ATP6V1H: variants seen among roughly 807,000 people sequenced by gnomAD.
The protein encoded by ATP6V1H is V-type proton ATPase subunit H.
In ATP6V1H, 39 loss-of-function variants were observed where a neutral mutation model predicts 71.7. The ratio of observed to expected loss-of-function variants is 0.54; its 90% CI spans 0.42 to 0.71. The LOEUF (loss-of-function observed/expected upper bound fraction) is 0.71. ATP6V1H is among the 30% of genes least tolerant of loss of function. The pLI is 0.00. For missense variants in ATP6V1H, 509 were observed against 594.9 expected (o/e 0.86, Z 1.50); for synonymous variants, 192 against 199.3 (o/e 0.96, Z 0.31).
chr8:53,763,730 T>G (rs573817627), intron 11 of ATP6V1H, among the ~76,000 whole-genome samples: 1 of 152,256 alleles, frequency 6.6e-6, no homozygotes, highest in South Asian at 2.1e-4. Context: ...AAAACAAGTC[T>G]TCTTAGATCC....
At chr8:53,836,354 C>T (rs1811160492) in intron 2 of ATP6V1H, among the ~76,000 whole-genome samples, 1 of 152,144 alleles carries the variant, frequency 6.6e-6, no homozygotes, top group African/African-American at 2.4e-5. Context: ...TATAATTTTG[C>T]AGCTTTCTTT....
chr8:53,715,980 G>A lies in ATP6V1H; in HGVS notation c.1436C>T (p.Ala479Val). The change falls in exon 14 of 14, where the codon GCT becomes GTT. Residue 479 changes from alanine (A) to valine (V), a missense_variant. Coordinates refer to ENST00000359530, the MANE Select transcript of ATP6V1H (RefSeq NM_015941.4). ...GAGGCAGGCTTAGCTTCGGGCGGCA[G>A]CGGTCTGGGGCTGCTCGGACTGGAG... ...KQLQSEQPQT[A>V]AARS The A allele has an allele frequency of 6.2e-7, 1 of 1,608,004 alleles. No individual in the cohort carries two copies. The highest frequency in any genetic ancestry group is 8.5e-7 in the Non-Finnish European group (1 of 1,178,012).
intron 4 of ATP6V1H, among the ~76,000 whole-genome samples, chr8:53,820,234 A>ACAGGGAG (rs1810601680): frequency 6.6e-6 from 1 of 152,072 alleles, no homozygotes; most frequent in South Asian, 2.1e-4. Context: ...AGCACGAGCT[A>ACAGGGAG]CAGGGAGCAG....
At chr8:53,795,554 G>C in intron 9 of ATP6V1H, 93 bp downstream of exon 9, 2 of 1,102,092 alleles carry the variant, frequency 1.8e-6, no homozygotes, top group South Asian at 1.4e-5. Context: ...ACCACAAGAA[G>C]AACAAGTAAT....
chr8:53,738,859 G>T (rs1385049792), intron 13 of ATP6V1H, among the ~76,000 whole-genome samples: 2 of 152,178 alleles, frequency 1.3e-5, no homozygotes. Flanking sequence ...AGCAACCTTC[G>T]ATTGGGAGGC....
In ATP6V1H at chr8:53,795,694, C is replaced by T. The variant is rs762638066; in HGVS notation, c.823G>A (p.Glu275Lys). Residue 275 changes from glutamate to lysine, a missense_variant, in exon 9 of 14, where the codon GAG becomes AAG. Around this residue, in one of 2 missense-constraint regions of ATP6V1H, gnomAD observed 212 missense variants for 291.6 expected, o/e 0.73. Coordinates refer to ENST00000359530, the MANE Select transcript of ATP6V1H (RefSeq NM_015941.4). ...IIPVLSDILQ[E>K]SVKEKVTRII... ...CTTGTTACTTTCTCTTTGACAGACT[C>T]CTGAAGGATATCAGACAGAACTGGA... 1.2e-6 allele frequency: 2 copies of T among 1,613,498 alleles called. No homozygotes were observed. Among genetic ancestry groups the T allele is most frequent in the African/African-American group, 1.3e-5 (1 of 74,856 alleles).
At chr8:53,784,675 C>A (rs897915303) in intron 9 of ATP6V1H, among the ~76,000 whole-genome samples, 3 of 152,260 alleles carry the variant, frequency 2.0e-5, no homozygotes, top group Admixed American at 6.5e-5. Context: ...GTGGCTGGTA[C>A]CGGTTGTTCC....
chr8:53,816,901 T>C (rs765005283), intron 5 of ATP6V1H, among the ~76,000 whole-genome samples: 1 of 152,142 alleles, frequency 6.6e-6, no homozygotes, highest in Non-Finnish European at 1.5e-5. Flanking sequence ...AATTTCTATA[T>C]AGTAAAATGT....
At chr8:53,798,620 C>T (rs1353783387) in intron 8 of ATP6V1H, among the ~76,000 whole-genome samples, 1 of 151,682 alleles carries the variant, frequency 6.6e-6, no homozygotes, top group African/African-American at 2.4e-5. Flanking sequence ...AACACACACA[C>T]ACACACACAC....
intron 11 of ATP6V1H, among the ~76,000 whole-genome samples, chr8:53,759,834 CA>C (rs1808205092): frequency 6.6e-6 from 1 of 152,120 alleles, no homozygotes; most frequent in South Asian, 2.1e-4. Context: ...CTGTATACTT[CA>C]AAAGTGAGAG....
chr8:53,735,303 C>A (rs2128150), intron 13 of ATP6V1H, among the ~76,000 whole-genome samples: 24,808 of 152,134 alleles, frequency 0.16, 3,256 homozygotes, highest in East Asian at 0.37. Context: ...TTATTCCTAG[C>A]TTTGGACCAC....
chr8:53,772,247 A>G, intron 9 of ATP6V1H, 80 bp from the exon 10 acceptor site: 1 of 1,112,968 alleles, frequency 9.0e-7, no homozygotes, highest in Non-Finnish European at 1.3e-6. Context: ...ATTCTTTTAT[A>G]GTCTCTCTCC....
At chr8:53,839,867 T>C in intron 2 of ATP6V1H, 1 of 985,526 alleles carries the variant, frequency 1.0e-6, no homozygotes, top group Non-Finnish European at 1.2e-6. Flanking sequence ...CACTGACTGA[T>C]AGGATCAAGT....
Position 53,814,664 on chromosome 8 carries a change from G to T in ATP6V1H, c.523C>A (p.Gln175Lys). Residue 175 changes from glutamine (Q) to lysine (K), a missense_variant and splice_region_variant, in exon 6 of 14, where the codon CAG (glutamine) becomes AAG (lysine). Around this residue, in one of 2 missense-constraint regions of ATP6V1H, gnomAD observed 297 missense variants for 303.3 expected, o/e 0.98. Coordinates refer to ENST00000359530, the MANE Select transcript of ATP6V1H (RefSeq NM_015941.4). ...FNWIKTQLSS[Q>K]KLRGSGVAVE... ...TACTTTAAAAAATTTTCTTTTACCT[G>T]TGAACTCAGCTGAGTTTTTATCCAA... 6.3e-7 allele frequency: 1 copy of T among 1,591,714 alleles called. No homozygotes were observed. The highest frequency in any genetic ancestry group is 1.1e-5 in the South Asian group (1 of 88,940).
At chr8:53,785,406 T>G (rs1809338412) in intron 9 of ATP6V1H, among the ~76,000 whole-genome samples, 1 of 152,240 alleles carries the variant, frequency 6.6e-6, no homozygotes, top group South Asian at 2.1e-4. Context: ...TTTAAGGACT[T>G]CTCTGCATTG....
chr8:53,785,400 A>G (rs1467127900), intron 9 of ATP6V1H, among the ~76,000 whole-genome samples: 2 of 151,984 alleles, frequency 1.3e-5, no homozygotes, highest in African/African-American at 4.8e-5. Context: ...AGGTCCTTTA[A>G]GGACTTCTCT....
chr8:53,716,043 G>C lies in ATP6V1H; in HGVS notation c.1392-19C>G. On this transcript the variant is annotated intron_variant, in intron 13 of 13. Transcript: ENST00000359530. Reference sequence around the variant, plus strand: ...GTATTCCCTGAAAAAAAAGAATGAAGTAAGGAGAATGAGAATTTCAATAGC... The same window carrying C: ...GTATTCCCTGAAAAAAAAGAATGAACTAAGGAGAATGAGAATTTCAATAGC... The C allele has an allele frequency of 6.3e-7, 1 of 1,595,220 alleles. No homozygotes were observed. Among genetic ancestry groups the C allele is most frequent in the Admixed American group, 1.7e-5 (1 of 57,334 alleles).
intron 7 of ATP6V1H, among the ~76,000 whole-genome samples, chr8:53,807,287 T>C (rs1351842213): frequency 6.6e-6 from 1 of 151,978 alleles, no homozygotes; most frequent in African/African-American, 2.4e-5. Context: ...TTAAGGAATC[T>C]GGTCAAAAGC....
rs770838512 is a variant in ATP6V1H, at chr8:53,814,773, A to G, written c.421-7T>C. The stretch of plus-strand genomic sequence containing the variant: ...TGGCAATAATTCTTGCTGCCTGAAA[A>G]CAAATAAGAGATACATTTAACGCAA... On this transcript the variant is annotated splice_region_variant and splice_polypyrimidine_tract_variant and intron_variant, in intron 5 of 13. Transcript: ENST00000359530. 1 of 1,585,762 alleles carries G rather than the reference A, an allele frequency of 6.3e-7. No individual in the cohort carries two copies. The highest frequency in any genetic ancestry group is 8.7e-7 in the Non-Finnish European group (1 of 1,155,914).
Sources: allele counts gnomAD v4.1 joint callset (sites outside exome capture counted in the v4.1 genomes callset), GRCh38; gene constraint gnomAD v4.1.1; regional missense constraint gnomAD v4.1.1; transcripts MANE v1.5; gene names NCBI Gene and HGNC (gene_info 2026-07-23, HGNC 2026-07-21).